The following STK32A variants were observed in gnomAD, a reference collection of about 807,000 sequenced individuals.
STK32A encodes the protein serine/threonine-protein kinase 32A.
In STK32A, 41 loss-of-function variants were observed where a neutral mutation model predicts 53.2. That is an observed-to-expected ratio of 0.77 (90% CI 0.60 to 1.00). The LOEUF (loss-of-function observed/expected upper bound fraction) is 1.00. STK32A is among the 50% of genes least tolerant of loss of function. The pLI is 0.00. For synonymous variants in STK32A, 166 were observed against 162.8 expected (o/e 1.02, Z -0.15); for missense variants, 458 against 485.8 (o/e 0.94, Z 0.54).
intron 4 of STK32A, among the ~76,000 whole-genome samples, chr5:147,311,206 TC>T (rs1194909449): frequency 6.6e-6 from 1 of 152,192 alleles, no homozygotes; most frequent in Admixed American, 6.5e-5. Context: ...TATCACAGTA[TC>T]CTTCACTTTT....
rs920164041 is a variant in STK32A at position 147,384,650 on chromosome 5, A to G, written c.*667A>G. On this transcript the variant is annotated 3_prime_UTR_variant, in exon 13 of 13. Transcript: ENST00000397936. ...AACAATGTGAAAGTGGTAACTTGAA[A>G]TTGGTAATAATGGGAGCATTTACAC... 6 of 442,430 alleles carry G rather than the reference A, an allele frequency of 1.4e-5. No homozygotes were observed. The highest frequency in any genetic ancestry group is 4.0e-5 in the African/African-American group (2 of 49,660). The allele number at this position is 442,430 out of a possible 1,614,324, so 27.4% of individuals were successfully genotyped here.
chr5:147,354,419 G>A (rs560613645), intron 7 of STK32A, among the ~76,000 whole-genome samples: 19 of 152,100 alleles, frequency 1.2e-4, no homozygotes, highest in Non-Finnish European at 2.5e-4. Context: ...TCTCCCCAGT[G>A]GTTTTAAGTA....
intron 6 of STK32A, among the ~76,000 whole-genome samples, chr5:147,348,541 A>G (rs951749909): frequency 2.0e-5 from 3 of 152,214 alleles, no homozygotes; most frequent in Admixed American, 6.5e-5. Context: ...GTAGGAATCA[A>G]TTGGCTCTAA....
chr5:147,343,176 A>G, intron 6 of STK32A, 133 bp downstream of exon 6: 1 of 933,582 alleles, frequency 1.1e-6, no homozygotes, highest in Non-Finnish European at 1.7e-6. Context: ...CAAACTCCTC[A>G]TAGACAATAT....
intron 6 of STK32A, among the ~76,000 whole-genome samples, chr5:147,347,283 TC>T (rs1480123335): frequency 1.3e-5 from 2 of 151,320 alleles, no homozygotes; most frequent in African/African-American, 4.9e-5. Flanking sequence ...TAAAATGAAT[TC>T]AGATTTTTTA....
chr5:147,283,001 C>T (rs1048094978), intron 4 of STK32A, among the ~76,000 whole-genome samples: 1 of 152,110 alleles, frequency 6.6e-6, no homozygotes, highest in African/African-American at 2.4e-5. Context: ...ACATTCTATT[C>T]AACAGAGCAT....
chr5:147,289,262 A>G (rs1040920248), intron 4 of STK32A, among the ~76,000 whole-genome samples: 2 of 152,188 alleles, frequency 1.3e-5, no homozygotes, highest in African/African-American at 2.4e-5. Flanking sequence ...GAGTTTAACT[A>G]TTAGATTTAT....
At position 147,316,168 on chromosome 5, in the gene STK32A, A is replaced by C. The variant is rs116147813; in HGVS notation, c.261-7730A>C. Among the ~76,000 whole-genome samples the C allele has an allele frequency of 8.2e-3, 1,251 of 152,320 alleles. 21 individuals are homozygous for C. Among genetic ancestry groups the C allele is most frequent in the African/African-American group, 0.028 (1,174 of 41,574 alleles). ...TGTATACAGTGGGATAGAACCAACA[A>C]GTATTTATAATGATATCATTGAGAA... On this transcript the variant is annotated intron_variant, in intron 4 of 12. Transcript: ENST00000397936.
chr5:147,391,021 A>G (rs1757783748), downstream of STK32A: 1 of 152,654 alleles, frequency 6.6e-6, no homozygotes, highest in South Asian at 2.1e-4. Flanking sequence ...ACACCCACAC[A>G]CCAGTTTTCA....
chr5:147,351,230 A>T (rs1354649616), intron 7 of STK32A, 76 bp downstream of exon 7: 3 of 1,286,150 alleles, frequency 2.3e-6, no homozygotes, highest in Non-Finnish European at 3.3e-6. Context: ...ATCTGTGGGG[A>T]TTTGCAGCTA....
intron 7 of STK32A, 86 bp downstream of exon 7, chr5:147,351,240 A>G: frequency 8.7e-7 from 1 of 1,154,210 alleles, no homozygotes; most frequent in Non-Finnish European, 1.3e-6. Context: ...ATTTGCAGCT[A>G]GAACTGGTAA....
chr5:147,355,538 C>T (rs1219681465), intron 7 of STK32A, among the ~76,000 whole-genome samples: 2 of 151,794 alleles, frequency 1.3e-5, no homozygotes, highest in African/African-American at 4.8e-5. Flanking sequence ...ATTAGCCGGG[C>T]GTGGTGGCAG....
intron 4 of STK32A, among the ~76,000 whole-genome samples, chr5:147,295,110 A>G (rs1185535563): frequency 6.6e-6 from 1 of 152,244 alleles, no homozygotes; most frequent in African/African-American, 2.4e-5. Context: ...AAACCATTTC[A>G]TAATTTTTAT....
At chr5:147,326,852 A>C (rs1430674588) in intron 5 of STK32A, among the ~76,000 whole-genome samples, 3 of 152,126 alleles carry the variant, frequency 2.0e-5, no homozygotes, top group Non-Finnish European at 4.4e-5. Flanking sequence ...ACCTATGTCA[A>C]CATCATTAAG....
chr5:147,265,111 C>T (rs4705150), intron 2 of STK32A, among the ~76,000 whole-genome samples: 1 of 73,452 alleles, frequency 1.4e-5, no homozygotes, highest in Non-Finnish European at 2.8e-5. Flanking sequence ...ATATATATAT[C>T]TTACAATTAT....
intron 2 of STK32A, among the ~76,000 whole-genome samples, chr5:147,273,840 T>C (rs888429785): frequency 3.9e-5 from 6 of 152,212 alleles, no homozygotes; most frequent in Non-Finnish European, 8.8e-5. Flanking sequence ...AATATGTCAC[T>C]ATACTGGTTA....
chr5:147,344,464 ACTTT>A (rs879796732), intron 6 of STK32A, among the ~76,000 whole-genome samples: 1 of 152,160 alleles, frequency 6.6e-6, no homozygotes, highest in Non-Finnish European at 1.5e-5. Flanking sequence ...CATGAAGGTG[ACTTT>A]CTTTAAAATA....
chr5:147,292,191 A>G (rs1752630147), intron 4 of STK32A, among the ~76,000 whole-genome samples: 1 of 152,180 alleles, frequency 6.6e-6, no homozygotes, highest in South Asian at 2.1e-4. Flanking sequence ...TTCCAAAAGG[A>G]CTATTGATTT....
the STK32A span, chr5:147,401,692 A>G: frequency 6.2e-7 from 1 of 1,614,038 alleles, no homozygotes; most frequent in Non-Finnish European, 8.5e-7. Context: ...CAAAGACTAC[A>G]TTTCCTAGAA....
Sources: allele counts gnomAD v4.1 joint callset (sites outside exome capture counted in the v4.1 genomes callset), GRCh38; gene constraint gnomAD v4.1.1; transcripts MANE v1.5; gene names NCBI Gene and HGNC (gene_info 2026-07-23, HGNC 2026-07-21).